Variants in OSBPL10 observed in about 807,000 individuals in gnomAD.
OSBPL10 encodes oxysterol binding protein like 10.
OSBPL10 carries 49 observed loss-of-function variants against 81.7 expected under a neutral mutation model. That is an observed-to-expected ratio of 0.60 (90% CI 0.48 to 0.76). The LOEUF is 0.76. Among genes scored for constraint, OSBPL10 ranks in the 30% least tolerant of loss-of-function variants. OSBPL10 has a pLI of 0.00. For missense variants in OSBPL10, 923 were observed against 987.8 expected (o/e 0.93, Z 0.88); for synonymous variants, 419 against 383.6 (o/e 1.09, Z -1.08).
intron 1 of OSBPL10, among the ~76,000 whole-genome samples, chr3:31,976,301 T>C (rs991197705): frequency 1.3e-5 from 2 of 152,226 alleles, no homozygotes; most frequent in Non-Finnish European, 1.5e-5. Flanking sequence ...AATCTTCACA[T>C]TGAACTAATG....
At chr3:31,996,874 T>C (rs1008470801) in intron 2 of OSBPL10, among the ~76,000 whole-genome samples, 3 of 152,182 alleles carry the variant, frequency 2.0e-5, no homozygotes, top group African/African-American at 7.2e-5. Context: ...AGCACTCCAT[T>C]CAATATGGTA....
chr3:31,721,946 G>C (rs1215209948), intron 6 of OSBPL10, among the ~76,000 whole-genome samples: 1 of 152,124 alleles, frequency 6.6e-6, no homozygotes, highest in African/African-American at 2.4e-5. Flanking sequence ...ATCATTGAAA[G>C]AGTTTGGGTT....
intron 5 of OSBPL10, among the ~76,000 whole-genome samples, chr3:31,733,674 C>T (rs1181037700): frequency 7.1e-6 from 1 of 139,870 alleles, no homozygotes; most frequent in Non-Finnish European, 1.5e-5. Flanking sequence ...TTACCAAAGC[C>T]AGATAAAGGT....
intron 1 of OSBPL10, among the ~76,000 whole-genome samples, chr3:31,886,031 G>C (rs1373525896): frequency 7.3e-6 from 1 of 136,976 alleles, no homozygotes; most frequent in African/African-American, 2.6e-5. Context: ...AAGAAAGAAA[G>C]GAGAAGGAGA....
rs372449864 is a variant in OSBPL10, at chr3:32,073,536, C to G, written n.185+3860G>C. On this transcript the variant is annotated intron_variant and non_coding_transcript_variant, in intron 1 of 3. Transcript: ENST00000479173. The stretch of plus-strand genomic sequence containing the variant: ...ATTGCAAGTACTCTCCCCTACTTCC[C>G]TAAACTCACTCACATTTCTGAAGAA... 3.3e-4 allele frequency among the ~76,000 whole-genome samples: 50 copies of G among 152,252 alleles called. 2 individuals are homozygous for G. Among genetic ancestry groups the G allele is most frequent in the Admixed American group, 1.1e-3 (17 of 15,286 alleles).
At chr3:32,041,640 T>C (rs1699576773) in intron 2 of OSBPL10, among the ~76,000 whole-genome samples, 1 of 30,996 alleles carries the variant, frequency 3.2e-5, no homozygotes, top group East Asian at 4.2e-4. Flanking sequence ...TTTCTTTCTC[T>C]TTCTTTCTTT....
At chr3:31,786,385 C>T (rs1272564606) in intron 4 of OSBPL10, among the ~76,000 whole-genome samples, 1 of 152,162 alleles carries the variant, frequency 6.6e-6, no homozygotes, top group East Asian at 1.9e-4. Flanking sequence ...ACATCTCAGT[C>T]CACTTGGGCT....
At chr3:31,918,376 C>G (rs1392189989) in intron 1 of OSBPL10, among the ~76,000 whole-genome samples, 1 of 151,282 alleles carries the variant, frequency 6.6e-6, no homozygotes, top group African/African-American at 2.4e-5. Context: ...TTGCCCAGGC[C>G]AGAGTACAGT....
chr3:31,807,374 A>AAAAAAAAT (rs565295604), intron 4 of OSBPL10, among the ~76,000 whole-genome samples: 92 of 137,434 alleles, frequency 6.7e-4, no homozygotes, highest in African/African-American at 2.4e-3. Context: ...CTGTCTCAGA[A>AAAAAAAAT]AAATAAATAA....
chr3:31,967,878 C>G (rs887379994), intron 1 of OSBPL10, among the ~76,000 whole-genome samples: 1 of 152,114 alleles, frequency 6.6e-6, no homozygotes, highest in Admixed American at 6.6e-5. Flanking sequence ...CATTAGAAGA[C>G]TAGAATTAAG....
At chr3:31,705,660 T>A (rs1029900537) in intron 6 of OSBPL10, among the ~76,000 whole-genome samples, 2 of 152,210 alleles carry the variant, frequency 1.3e-5, no homozygotes, top group African/African-American at 4.8e-5. Context: ...ATTATCATCC[T>A]TTCTAAGTGC....
At chr3:31,835,579 GA>G (rs760235045) in intron 3 of OSBPL10, among the ~76,000 whole-genome samples, 3 of 151,970 alleles carry the variant, frequency 2.0e-5, no homozygotes, top group Non-Finnish European at 4.4e-5. Context: ...ATTTACTTTG[GA>G]ACATATTTTC....
intron 1 of OSBPL10, among the ~76,000 whole-genome samples, chr3:32,069,808 A>G (rs1699812794): frequency 6.6e-6 from 1 of 152,194 alleles, no homozygotes; most frequent in Non-Finnish European, 1.5e-5. Context: ...AGCATATAAG[A>G]ACTTCAGAAC....
intron 3 of OSBPL10, among the ~76,000 whole-genome samples, chr3:31,836,498 C>T (rs1408656844): frequency 6.6e-6 from 1 of 151,694 alleles, no homozygotes; most frequent in Non-Finnish European, 1.5e-5. Context: ...CTTTTTTCCC[C>T]CATCATTTTC....
intron 2 of OSBPL10, among the ~76,000 whole-genome samples, chr3:32,031,894 T>C (rs1163267459): frequency 6.6e-6 from 1 of 152,138 alleles, no homozygotes; most frequent in African/African-American, 2.4e-5. Flanking sequence ...ATAGGAAATA[T>C]AAATGCAATA....
chr3:31,981,222 GC>G lies in OSBPL10; in HGVS notation c.-44del, dbSNP rs1463683533. The G allele has an allele frequency of 7.4e-7, 1 of 1,348,928 alleles. No homozygotes were observed. The highest frequency in any genetic ancestry group is 9.4e-7 in the Non-Finnish European group (1 of 1,058,746). The allele number at this position is 1,348,928 out of a possible 1,614,324, so 83.6% of individuals were successfully genotyped here. On this transcript the variant is annotated 5_prime_UTR_variant, in exon 1 of 12. Coordinates refer to ENST00000396556, the MANE Select transcript of OSBPL10 (RefSeq NM_017784.5). The surrounding 1 kb of genome is among the most constrained non-coding windows in gnomAD (Gnocchi z 4.5). The stretch of plus-strand genomic sequence containing the variant: ...GACGCGGGTGCCCGCCGCGGTGGCG[GC>G]CCCGGCACGGCGGCTGCTGCTGCTG...
At position 31,869,634 on chromosome 3, in the gene OSBPL10, CTA is replaced by C. The variant is rs370343770; in HGVS notation, c.537+6797_537+6798del. Among the ~76,000 whole-genome samples, 464 of 152,222 alleles carry C rather than the reference CTA, an allele frequency of 3.0e-3. 4 individuals carry two copies. The highest frequency in any genetic ancestry group is 0.011 in the African/African-American group (443 of 41,544). ...CTCAAGGGGATGGGGGTGAACCTTT[CTA>C]TTCAAATTATGCCAATAAACTAGGA... On this transcript the variant is annotated intron_variant, in intron 3 of 11. Transcript: ENST00000396556.
At position 31,753,185 on chromosome 3, in the gene OSBPL10, ATTT is replaced by A. The variant is rs34050690; in HGVS notation, c.730-5068_730-5066del. Among the ~76,000 whole-genome samples, 420 of 140,958 alleles carry A rather than the reference ATTT, an allele frequency of 3.0e-3. 2 individuals carry two copies. The highest frequency in any genetic ancestry group is 0.022 in the East Asian group (108 of 4,848). 92.5% of individuals were successfully genotyped at this position (140,958 alleles called of 152,430 possible). A position where few individuals can be genotyped will look rare whatever the true frequency, so the allele number is the denominator to read the frequency against. The stretch of plus-strand genomic sequence containing the variant: ...TAAGCTTTAAAGCTGTGCTTCAAGG[ATTT>A]TTTTTTTTTTTTTTTTAGACAGAGT... On this transcript the variant is annotated intron_variant, in intron 4 of 11. Coordinates refer to ENST00000396556, the MANE Select transcript of OSBPL10 (RefSeq NM_017784.5).
Position 31,662,068 on chromosome 3 carries a change from C to A in OSBPL10, c.*4G>T. ...ATACTGGAAAGCTCTGCACCTCCAC[C>A]CCATCAGTGTGCTTTCCAGAGGGGA... On this transcript the variant is annotated 3_prime_UTR_variant, in exon 12 of 12. Transcript: ENST00000396556. 6.2e-7 allele frequency: 1 copy of A among 1,613,724 alleles called. No homozygotes were observed. Among genetic ancestry groups the A allele is most frequent in the South Asian group, 1.1e-5 (1 of 90,956 alleles).
Sources: allele counts gnomAD v4.1 joint callset (sites outside exome capture counted in the v4.1 genomes callset), GRCh38; gene constraint gnomAD v4.1.1; non-coding constraint Gnocchi (gnomAD v3.1); transcripts MANE v1.5; gene names NCBI Gene and HGNC (gene_info 2026-07-23, HGNC 2026-07-21).